Variants in IARS1 observed in about 807,000 individuals in gnomAD.
IARS1 encodes the protein isoleucine--tRNA ligase, cytoplasmic.
IARS1 carries 124 observed loss-of-function variants against 168.2 expected under a neutral mutation model. The observed-to-expected ratio is 0.74, with a 90% CI of 0.64 to 0.86. IARS1 has a LOEUF of 0.86. Ranked by LOEUF, IARS1 falls within the 40% of genes least tolerant of loss-of-function variation. IARS1 has a pLI of 0.00. For synonymous variants in IARS1, 532 were observed against 529.4 expected, an observed-to-expected ratio of 1.00 and a Z score of -0.07; for missense variants, 1,452 against 1,515.8, an observed-to-expected ratio of 0.96 and a Z score of 0.70.
chr9:92,239,985 G>T (rs1828126475), intron 30 of IARS1, among the ~76,000 whole-genome samples: 1 of 152,160 alleles, frequency 6.6e-6, no homozygotes, highest in South Asian at 2.1e-4. Context: ...TCTTTGGTCT[G>T]TACTTGACAT....
intron 13 of IARS1, among the ~76,000 whole-genome samples, chr9:92,268,856 C>T (rs1832652338): frequency 6.6e-6 from 1 of 152,150 alleles, no homozygotes; most frequent in Admixed American, 6.5e-5. Context: ...ACGCAGCTTC[C>T]CTCCCTTCTG....
intron 6 of IARS1, among the ~76,000 whole-genome samples, chr9:92,283,725 C>A (rs149110773): frequency 5.9e-5 from 9 of 152,202 alleles, no homozygotes; most frequent in Non-Finnish European, 1.3e-4. Context: ...TGTACAAGAC[C>A]TAAAAGACAA....
chr9:92,271,448 TAGA>T, intron 11 of IARS1, 82 bp downstream of exon 11: 1 of 1,542,774 alleles, frequency 6.5e-7, no homozygotes. Flanking sequence ...AACAACTTCC[TAGA>T]AGAATTACAA....
Position 92,269,994 on chromosome 9 carries a change from A to G in IARS1, c.1206-11T>C, listed in dbSNP as rs770874742. On this transcript the variant is annotated splice_polypyrimidine_tract_variant and intron_variant, in intron 12 of 33. Transcript: ENST00000443024. ...AGAGGAGTGTCTGATCTGGGGAAGCAGAAACACACACATAGCTGCTCAGGC... is the reference window on the plus strand; with the variant it reads ...AGAGGAGTGTCTGATCTGGGGAAGCGGAAACACACACATAGCTGCTCAGGC... The G allele has an allele frequency of 2.0e-5, 32 of 1,572,754 alleles. No homozygotes were observed. Among genetic ancestry groups the G allele is most frequent in the Non-Finnish European group, 2.8e-5 (32 of 1,142,346 alleles).
At chr9:92,213,672 C>T (rs1838139489) in intron 33 of IARS1, among the ~76,000 whole-genome samples, 1 of 152,190 alleles carries the variant, frequency 6.6e-6, no homozygotes, top group South Asian at 2.1e-4. Flanking sequence ...TGACTTGAGC[C>T]ATCCCATTTG....
intron 8 of IARS1, 96 bp downstream of exon 8, chr9:92,278,103 C>A: frequency 1.8e-6 from 2 of 1,104,032 alleles, no homozygotes; most frequent in Non-Finnish European, 1.4e-6. Flanking sequence ...TTGAATAATG[C>A]AAGCTTTTGG....
chr9:92,252,297 C>T, intron 21 of IARS1: 3 of 455,948 alleles, frequency 6.6e-6, no homozygotes, highest in Non-Finnish European at 1.3e-5. Flanking sequence ...AAAAAAAATA[C>T]CAATTCATTG....
intron 20 of IARS1, among the ~76,000 whole-genome samples, chr9:92,255,650 TAA>T (rs1286510138): frequency 2.6e-5 from 4 of 152,208 alleles, no homozygotes; most frequent in Non-Finnish European, 4.4e-5. Context: ...GAACTAAAAA[TAA>T]GTTATAAATG....
At position 92,251,688 on chromosome 9, in the gene IARS1, T is replaced by C. The variant is rs1034706495; in HGVS notation, c.2307+120A>G. 6.2e-5 allele frequency: 43 copies of C among 692,094 alleles called. No homozygotes were observed. The African/African-American group carries it at 7.6e-4, about 12-fold the overall frequency. 42.9% of individuals were successfully genotyped at this position (692,094 alleles called of 1,614,324 possible). ...CTAGAGCTATAAGGTGTTATAAAAC[T>C]TCTATATCTATTTTTGGCAGAATAA... On this transcript the variant is annotated intron_variant, in intron 22 of 33. Transcript: ENST00000443024.
chr9:92,263,811 T>G (rs2133818626), intron 16 of IARS1, among the ~76,000 whole-genome samples: 1 of 152,334 alleles, frequency 6.6e-6, no homozygotes, highest in Middle Eastern at 3.4e-3. Flanking sequence ...GCTAACAGAC[T>G]TTGCTACTCC....
Position 92,265,061 on chromosome 9 carries a change from A to G in IARS1, c.1568T>C (p.Val523Ala), listed in dbSNP as rs1179849594. The change falls in exon 16 of 34, where the codon GTG becomes GCG. Residue 523 changes from valine (V) to alanine (A), a missense_variant. By Grantham distance (64) the Val-to-Ala change is moderately conservative. Coordinates refer to ENST00000443024, the MANE Select transcript of IARS1 (RefSeq NM_002161.6). ...GCCACTCTCAAACCAACAGTCAAAC[A>G]CTTCAGAGATGCGGTGCAAGGATCC... ...GKGSLHRISE[V>A]FDCWFESGSM... 6.2e-7 allele frequency: 1 copy of G among 1,614,018 alleles called. No individual in the cohort carries two copies. Among genetic ancestry groups the G allele is most frequent in the East Asian group, 2.2e-5 (1 of 44,892 alleles).
chr9:92,278,157 G>T, intron 8 of IARS1, 42 bp downstream of exon 8: 1 of 1,244,716 alleles, frequency 8.0e-7, no homozygotes, highest in Non-Finnish European at 1.2e-6. Context: ...CACACATACA[G>T]ACACATGCAC....
intron 6 of IARS1, among the ~76,000 whole-genome samples, chr9:92,283,723 A>C (rs1027007418): frequency 6.6e-6 from 1 of 152,222 alleles, no homozygotes; most frequent in African/African-American, 2.4e-5. Flanking sequence ...CGTGTACAAG[A>C]CCTAAAAGAC....
At chr9:92,244,472 G>A (rs1303687122) in intron 27 of IARS1, among the ~76,000 whole-genome samples, 4 of 152,184 alleles carry the variant, frequency 2.6e-5, no homozygotes, top group Non-Finnish European at 4.4e-5. Context: ...GGTCAGGACT[G>A]CAAAGAGATA....
intron 18 of IARS1, among the ~76,000 whole-genome samples, chr9:92,259,496 T>A (rs1382239239): frequency 6.6e-6 from 1 of 152,116 alleles, no homozygotes; most frequent in Admixed American, 6.5e-5. Context: ...ACAGCCCAAA[T>A]GGGCAGCAGT....
At chr9:92,276,338 G>T (rs148316930) in intron 9 of IARS1, among the ~76,000 whole-genome samples, 1 of 152,182 alleles carries the variant, frequency 6.6e-6, no homozygotes, top group Non-Finnish European at 1.5e-5. Context: ...CAGTTTGACT[G>T]AATAAAGGAT....
rs754480662 is a variant in IARS1, at chr9:92,258,928, C to A, written c.1942G>T (p.Val648Phe). Residue 648 changes from valine to phenylalanine, a missense_variant, in exon 19 of 34, where the codon GTC becomes TTC. By Grantham distance (50) the Val-to-Phe change is conservative. Transcript: ENST00000443024. ...LRFKEEGVRD[V>F]LKDVLLPWYN... ...CATGGGAGCAGTACATCCTTAAGGA[C>A]GTCCCGCACACCCTCTTCTTTAAAG... 6 of 1,613,754 alleles carry A rather than the reference C, an allele frequency of 3.7e-6. No homozygotes were observed. Among genetic ancestry groups the A allele is most frequent in the Non-Finnish European group, 5.1e-6 (6 of 1,179,842 alleles).
rs1218031619 is a variant in IARS1 at position 92,223,446 on chromosome 9, T to C, written c.3453A>G (p.Thr1151=). The stretch of plus-strand genomic sequence containing the variant: ...GAGCCGATCCTGCAGTCACACAAAG[T>C]GTTTTTCCACTAAGACTCAGTAAGT... ...QTDLLSLSGK[T]LCVTAGSAPS... The change falls in exon 32 of 34, where the codon ACA becomes ACG. Residue 1151 remains threonine (T), a synonymous_variant. Transcript: ENST00000443024. 2.5e-6 allele frequency: 4 copies of C among 1,613,948 alleles called. No homozygotes were observed. The South Asian group carries it at 4.4e-5, about 18-fold the overall frequency.
chr9:92,251,127 G>A, intron 22 of IARS1: 1 of 483,478 alleles, frequency 2.1e-6, no homozygotes, highest in Middle Eastern at 3.1e-4. Context: ...ACAGAAGACT[G>A]ACTGTCCCAC....
Sources: gnomAD v4.1 joint callset for allele counts (sites outside exome capture counted in the v4.1 genomes callset) on GRCh38, gnomAD v4.1.1 for gene constraint, MANE v1.5 for transcripts, NCBI Gene and HGNC (gene_info 2026-07-23, HGNC 2026-07-21) for gene names.